CADM2: variants seen among roughly 807,000 people sequenced by gnomAD.
The protein encoded by CADM2 is cell adhesion molecule 2.
In CADM2, 12 loss-of-function variants were observed where a neutral mutation model predicts 49.8. The observed-to-expected ratio is 0.24, with a 90% CI of 0.15 to 0.39. The LOEUF (loss-of-function observed/expected upper bound fraction) is 0.39, where lower values mean the gene tolerates loss of function less well. CADM2 is among the 10% of genes least tolerant of loss of function. The pLI, the probability that CADM2 is intolerant of heterozygous loss-of-function variation, is 1.00. For synonymous variants in CADM2, 214 were observed against 175.4 expected, an observed-to-expected ratio of 1.22 and a Z score of -1.74; for missense variants, 378 against 492.3, an observed-to-expected ratio of 0.77 and a Z score of 2.20.
intron 1 of CADM2, among the ~76,000 whole-genome samples, chr3:85,360,777 A>AG: frequency 6.6e-6 from 1 of 152,240 alleles, no homozygotes; most frequent in South Asian, 2.1e-4. Flanking sequence ...GAAGCATCAC[A>AG]AGAGTGTTGT....
At chr3:86,062,659 G>C (rs1032145629) in intron 8 of CADM2, among the ~76,000 whole-genome samples, 1 of 88,384 alleles carries the variant, frequency 1.1e-5, no homozygotes, top group Admixed American at 1.2e-4. Context: ...CTATGGTAGC[G>C]GGGCACCTGT....
Position 86,066,972 on chromosome 3 carries a change from A to G in CADM2, c.*189A>G, listed in dbSNP as rs112536298. The G allele has an allele frequency of 1.8e-3, 1,035 of 575,590 alleles. 2 individuals carry two copies. Among genetic ancestry groups the G allele is most frequent in the African/African-American group, 0.014 (726 of 53,214 alleles). The allele number at this position is 575,590 out of a possible 1,614,324, so 35.7% of individuals were successfully genotyped here. On this transcript the variant is annotated 3_prime_UTR_variant, in exon 10 of 10. Coordinates refer to ENST00000383699, the MANE Select transcript of CADM2 (RefSeq NM_001167675.2). ...TCATTCTTTAATTACTGTACCATCC[A>G]TAATGCAGGACATTTCTTACTGCCT...
intron 1 of CADM2, among the ~76,000 whole-genome samples, chr3:85,325,120 C>G (rs2044713480): frequency 6.6e-6 from 1 of 152,202 alleles, no homozygotes; most frequent in South Asian, 2.1e-4. Context: ...AGCTGTAAAG[C>G]ACACAAATGA....
intron 3 of CADM2, among the ~76,000 whole-genome samples, chr3:85,854,112 A>G (rs572646125): frequency 2.6e-5 from 4 of 152,196 alleles, no homozygotes; most frequent in Non-Finnish European, 5.9e-5. Context: ...TTTTTTAAAA[A>G]CTAAAAACCA....
intron 8 of CADM2, among the ~76,000 whole-genome samples, chr3:85,981,781 T>C (rs1373926149): frequency 6.6e-6 from 1 of 151,752 alleles, no homozygotes; most frequent in African/African-American, 2.4e-5. Context: ...GTTGATTCCA[T>C]GTCTTTGATA....
rs560938700 is a variant in CADM2 at position 85,499,412 on chromosome 3, C to A, written c.62-227110C>A. Among the ~76,000 whole-genome samples the A allele has an allele frequency of 1.4e-4, 22 of 152,100 alleles. No homozygotes were observed. The South Asian group carries it at 4.4e-3, about 30-fold the overall frequency. ...TTGGTAGATCTACTATTTTGACACT[C>A]AAATTGTCTCAATTATAAACTCTGA... On this transcript the variant is annotated intron_variant, in intron 1 of 9. Transcript: ENST00000383699.
chr3:85,810,521 C>T (rs1207466285), intron 3 of CADM2, among the ~76,000 whole-genome samples: 5 of 142,940 alleles, frequency 3.5e-5, no homozygotes, highest in Non-Finnish European at 6.1e-5. Context: ...AGTATATGCT[C>T]ATAGAATTCT....
At chr3:85,358,582 C>A (rs2032067292) in intron 1 of CADM2, among the ~76,000 whole-genome samples, 1 of 151,968 alleles carries the variant, frequency 6.6e-6, no homozygotes, top group Admixed American at 6.6e-5. Flanking sequence ...TTCTGAAAAT[C>A]TTTTGCTATG....
intron 6 of CADM2, among the ~76,000 whole-genome samples, chr3:85,914,748 T>C (rs559225142): frequency 7.2e-5 from 11 of 152,282 alleles, no homozygotes; most frequent in African/African-American, 2.6e-4. Flanking sequence ...AATCTCTGGA[T>C]GTAGGTAAGA....
intron 1 of CADM2, among the ~76,000 whole-genome samples, chr3:85,616,176 T>C (rs17520968): frequency 0.061 from 9,283 of 151,806 alleles, 391 homozygotes; most frequent in Non-Finnish European, 0.096. Flanking sequence ...TCACCTAATA[T>C]AAACCAAGAG....
chr3:85,317,508 T>C (rs1215401784), intron 1 of CADM2, among the ~76,000 whole-genome samples: 1 of 152,196 alleles, frequency 6.6e-6, no homozygotes, highest in East Asian at 1.9e-4. Context: ...AATTATTTTC[T>C]CATGGTTATG....
At chr3:85,780,035 C>T (rs2070557124) in intron 2 of CADM2, among the ~76,000 whole-genome samples, 1 of 151,994 alleles carries the variant, frequency 6.6e-6, no homozygotes, top group Admixed American at 6.6e-5. Context: ...TCTTAAGCTT[C>T]CATAACACTT....
intron 3 of CADM2, among the ~76,000 whole-genome samples, chr3:85,860,282 A>G (rs1006907276): frequency 5.9e-5 from 9 of 152,220 alleles, no homozygotes; most frequent in African/African-American, 2.2e-4. Context: ...GGAAACAAAA[A>G]CAACAAAAAT....
chr3:85,406,776 C>CT (rs911021676), intron 1 of CADM2, among the ~76,000 whole-genome samples: 5 of 151,810 alleles, frequency 3.3e-5, no homozygotes, highest in South Asian at 4.2e-4. Flanking sequence ...CTTGTTTTCA[C>CT]TTTTTTTTTC....
intron 1 of CADM2, among the ~76,000 whole-genome samples, chr3:85,624,982 A>G (rs1195409158): frequency 6.6e-6 from 1 of 152,114 alleles, no homozygotes; most frequent in Non-Finnish European, 1.5e-5. Context: ...TACCATCTCT[A>G]TCTTGGACAA....
intron 2 of CADM2, 56 bp from the exon 3 acceptor site, chr3:85,801,988 AGGC>A: frequency 8.0e-7 from 1 of 1,243,668 alleles, no homozygotes; most frequent in South Asian, 2.1e-5. Flanking sequence ...TGTAGATCTT[AGGC>A]AGTTAATCAT....
At position 85,850,077 on chromosome 3, in the gene CADM2, T is replaced by A. The variant is rs139274842; in HGVS notation, c.239-33214T>A. 4.7e-4 allele frequency among the ~76,000 whole-genome samples: 71 copies of A among 152,306 alleles called. 2 individuals carry two copies. Among genetic ancestry groups the A allele is most frequent in the Non-Finnish European group, 8.5e-4 (58 of 68,020 alleles). On this transcript the variant is annotated intron_variant, in intron 3 of 9. Transcript: ENST00000383699. ...TCAATACTTCTCAAATGTTTTCAGG[T>A]CTTGACACAGATAGAAAATGACAAT...
intron 1 of CADM2, among the ~76,000 whole-genome samples, chr3:85,381,800 ATGT>A (rs2033924919): frequency 1.3e-5 from 2 of 151,964 alleles, no homozygotes; most frequent in South Asian, 4.1e-4. Flanking sequence ...CAAGGGCCTG[ATGT>A]TGTAAGGATG....
intron 1 of CADM2, among the ~76,000 whole-genome samples, chr3:85,026,234 G>T (rs1314952669): frequency 1.3e-5 from 2 of 152,074 alleles, no homozygotes; most frequent in Non-Finnish European, 2.9e-5. Flanking sequence ...AAAATATTTT[G>T]CACTAATTTC....
Sources: allele counts gnomAD v4.1 joint callset (sites outside exome capture counted in the v4.1 genomes callset), GRCh38; gene constraint gnomAD v4.1.1; transcripts MANE v1.5; gene names NCBI Gene and HGNC (gene_info 2026-07-23, HGNC 2026-07-21).